Variants in ERC1 observed in about 807,000 individuals in gnomAD.
ERC1 encodes the protein ELKS/RAB6-interacting/CAST family member 1, also known as RAB6 interacting protein 2.
ERC1 carries 56 observed loss-of-function variants against 132.0 expected under a neutral mutation model. That is an observed-to-expected ratio of 0.42 (90% CI 0.34 to 0.53). The LOEUF is 0.53. Ranked by LOEUF, ERC1 falls within the 20% of genes least tolerant of loss-of-function variation. The probability of loss-of-function intolerance (pLI) is 0.03; values close to 1 mark genes in which losing one functional copy is unlikely to be tolerated. For synonymous variants in ERC1, 478 were observed against 476.1 expected (o/e 1.00, Z -0.05); for missense variants, 1,202 against 1,349.9 (o/e 0.89, Z 1.72).
intron 17 of ERC1, among the ~76,000 whole-genome samples, chr12:1,419,540 A>G (rs1171590643): frequency 1.3e-5 from 2 of 150,578 alleles, no homozygotes; most frequent in Non-Finnish European, 3.0e-5. Context: ...AAAAGCTGAC[A>G]AAATTTCTAC....
intron 17 of ERC1, among the ~76,000 whole-genome samples, chr12:1,440,983 A>G (rs1240044823): frequency 2.0e-5 from 3 of 151,270 alleles, no homozygotes; most frequent in African/African-American, 7.3e-5. Flanking sequence ...GGACTCTGAA[A>G]TTTTTCAGAA....
chr12:1,481,307 A>G (rs2094087565), intron 18 of ERC1, among the ~76,000 whole-genome samples: 3 of 152,220 alleles, frequency 2.0e-5, no homozygotes, highest in African/African-American at 7.2e-5. Context: ...TAACACATTG[A>G]TCTAAGTTTT....
intron 15 of ERC1, among the ~76,000 whole-genome samples, chr12:1,307,876 A>G (rs577663731): frequency 6.6e-6 from 1 of 152,336 alleles, no homozygotes; most frequent in Non-Finnish European, 1.5e-5. Context: ...AGGCTAATAA[A>G]AAGTACCAAA....
intron 15 of ERC1, among the ~76,000 whole-genome samples, chr12:1,351,895 T>C (rs2085034446): frequency 6.6e-6 from 1 of 152,188 alleles, no homozygotes; most frequent in African/African-American, 2.4e-5. Flanking sequence ...TATTTTCTCA[T>C]TCTCTTAATA....
At chr12:1,126,765 G>A (rs1290313049) in intron 7 of ERC1, among the ~76,000 whole-genome samples, 8 of 151,918 alleles carry the variant, frequency 5.3e-5, no homozygotes, top group African/African-American at 1.9e-4. Flanking sequence ...TGAAGCGGGC[G>A]GATCATGAGG....
intron 2 of ERC1, among the ~76,000 whole-genome samples, chr12:1,076,214 A>G (rs538926147): frequency 2.8e-4 from 43 of 152,274 alleles, no homozygotes; most frequent in African/African-American, 8.7e-4. Context: ...TAGTACAACT[A>G]TGAAAGATTC....
intron 15 of ERC1, among the ~76,000 whole-genome samples, chr12:1,296,466 T>TGCAGTG (rs2079955599): frequency 7.7e-6 from 1 of 130,334 alleles, no homozygotes; most frequent in African/African-American, 3.0e-5. Flanking sequence ...CAGGCTGGAG[T>TGCAGTG]GCAGTGGCGC....
intron 17 of ERC1, among the ~76,000 whole-genome samples, chr12:1,416,280 T>C (rs1052542994): frequency 2.6e-5 from 4 of 152,186 alleles, no homozygotes; most frequent in African/African-American, 9.6e-5. Flanking sequence ...AGTGAGGAAT[T>C]TGGAACTATA....
chr12:1,170,332 T>C (rs562098401), intron 8 of ERC1, among the ~76,000 whole-genome samples: 1 of 152,344 alleles, frequency 6.6e-6, no homozygotes, highest in African/African-American at 2.4e-5. Context: ...TACAATACAA[T>C]GGATTTTTTT....
intron 15 of ERC1, among the ~76,000 whole-genome samples, chr12:1,328,997 A>T (rs2154357071): frequency 6.8e-6 from 1 of 146,552 alleles, no homozygotes; most frequent in African/African-American, 2.6e-5. Context: ...AAAAAAAAAA[A>T]AAAAAAGCCT....
At chr12:1,421,885 G>A (rs184046050) in intron 17 of ERC1, among the ~76,000 whole-genome samples, 3 of 146,728 alleles carry the variant, frequency 2.0e-5, no homozygotes, top group Non-Finnish European at 2.9e-5. Context: ...AATTAGCTGG[G>A]TATGGTGGTG....
intron 1 of ERC1, among the ~76,000 whole-genome samples, chr12:1,022,041 A>G (rs1455397278): frequency 6.6e-6 from 1 of 152,184 alleles, no homozygotes; most frequent in Non-Finnish European, 1.5e-5. Flanking sequence ...AATAAGCTAT[A>G]CATTTTATTT....
At chr12:1,310,543 T>A (rs1315132730) in intron 15 of ERC1, among the ~76,000 whole-genome samples, 1 of 152,196 alleles carries the variant, frequency 6.6e-6, no homozygotes, top group Non-Finnish European at 1.5e-5. Context: ...AATTACTGCT[T>A]TATTACTAGA....
At chr12:1,008,340 G>A (rs1211381946) in intron 1 of ERC1, among the ~76,000 whole-genome samples, 1 of 152,136 alleles carries the variant, frequency 6.6e-6, no homozygotes, top group African/African-American at 2.4e-5. Context: ...ACATTAAAGA[G>A]TAAAAAGAAA....
At chr12:1,395,755 C>G (rs1358308467) in intron 16 of ERC1, among the ~76,000 whole-genome samples, 1 of 151,728 alleles carries the variant, frequency 6.6e-6, no homozygotes, top group Non-Finnish European at 1.5e-5. Flanking sequence ...AGAACAGTTT[C>G]TTAAGAACGA....
At chr12:1,007,877 T>C (rs1964000554) in intron 1 of ERC1, among the ~76,000 whole-genome samples, 1 of 152,090 alleles carries the variant, frequency 6.6e-6, no homozygotes, top group Non-Finnish European at 1.5e-5. Flanking sequence ...AAATAATATC[T>C]GGCTACATGT....
At chr12:1,452,544 C>T (rs2154416859) in intron 18 of ERC1, among the ~76,000 whole-genome samples, 1 of 152,288 alleles carries the variant, frequency 6.6e-6, no homozygotes, top group South Asian at 2.1e-4. Context: ...CCACTTCTCT[C>T]TTCTCCTTTG....
At position 1,495,621 on chromosome 12, in the gene ERC1, C is replaced by T. The variant is rs115310621; in HGVS notation, c.*5391C>T. ...TATCCAGTGGGGCCTGTGACTGCTCCCTGATGCGTCAGAAGAGAAGTGTTG... is the reference window on the plus strand; with the variant it reads ...TATCCAGTGGGGCCTGTGACTGCTCTCTGATGCGTCAGAAGAGAAGTGTTG... On this transcript the variant is annotated 3_prime_UTR_variant, in exon 19 of 19. Coordinates refer to ENST00000360905, the MANE Select transcript of ERC1 (RefSeq NM_178040.4). 6.3e-3 allele frequency: 1,429 copies of T among 227,082 alleles called. 14 individuals carry two copies. Among genetic ancestry groups the T allele is most frequent in the African/African-American group, 0.029 (1,303 of 45,096 alleles). 14.1% of individuals were successfully genotyped at this position (227,082 alleles called of 1,614,324 possible).
chr12:1,129,379 C>G (rs1173897113), intron 7 of ERC1, among the ~76,000 whole-genome samples: 1 of 151,900 alleles, frequency 6.6e-6, no homozygotes, highest in Non-Finnish European at 1.5e-5. Flanking sequence ...AAAAAACTTA[C>G]CAGGTGTGGT....
Sources: gnomAD v4.1 joint callset for allele counts (sites outside exome capture counted in the v4.1 genomes callset) on GRCh38, gnomAD v4.1.1 for gene constraint, MANE v1.5 for transcripts, NCBI Gene and HGNC (gene_info 2026-07-23, HGNC 2026-07-21) for gene names.